The following TTC7B variants were observed in gnomAD, a reference collection of about 807,000 sequenced individuals.
TTC7B encodes tetratricopeptide repeat domain 7B, also known as tetratricopeptide repeat protein 7B.
A neutral mutation model predicts 106.8 loss-of-function variants in TTC7B; 28 were observed. The observed-to-expected ratio is 0.26, with a 90% CI of 0.19 to 0.36. TTC7B has a LOEUF of 0.36. TTC7B is among the 10% of genes least tolerant of loss of function. The pLI is 1.00. For synonymous variants in TTC7B, 405 were observed against 430.6 expected (o/e 0.94, Z 0.74); for missense variants, 862 against 1,076.4 (o/e 0.80, Z 2.79).
chr14:90,566,276 G>A (rs1321365362), intron 19 of TTC7B, among the ~76,000 whole-genome samples: 11 of 151,942 alleles, frequency 7.2e-5, no homozygotes, highest in Non-Finnish European at 1.3e-4. Flanking sequence ...CCTGGGAGGC[G>A]GAGGTTGCAG....
At chr14:90,598,458 G>C (rs1372797799) in intron 17 of TTC7B, among the ~76,000 whole-genome samples, 2 of 152,154 alleles carry the variant, frequency 1.3e-5, no homozygotes, top group Non-Finnish European at 2.9e-5. Flanking sequence ...CCATCACCAT[G>C]CATGGGGGTA....
In TTC7B at chr14:90,780,769, C is replaced by T. The variant is rs1353475314; in HGVS notation, c.414G>A (p.Leu138=). Residue 138 remains leucine, a synonymous_variant, in exon 3 of 20, where the codon CTG becomes CTA. Transcript: ENST00000328459. ...TAGCGTAGGCTTCTGCGATCACCCG[C>T]AGCCTGTAGGGCGGGACAGCTGTCA... ...LPLTAVPPYR[L]RVIAEAYATK... 1 of 1,614,124 alleles carries T rather than the reference C, an allele frequency of 6.2e-7. No homozygotes were observed. The highest frequency in any genetic ancestry group is 8.5e-7 in the Non-Finnish European group (1 of 1,180,054).
intron 19 of TTC7B, among the ~76,000 whole-genome samples, chr14:90,562,049 C>G (rs1000518378): frequency 5.3e-5 from 8 of 152,180 alleles, no homozygotes; most frequent in African/African-American, 1.9e-4. Flanking sequence ...AGTCTTGTCT[C>G]CTCCCATAGC....
At chr14:90,767,028 CAAAAAAA>C (rs71301958) in intron 3 of TTC7B, 46 of 526,020 alleles carry the variant, frequency 8.7e-5, no homozygotes, top group Admixed American at 4.3e-4. Flanking sequence ...GTTTATATAC[CAAAAAAA>C]AAAAAAAAAA....
chr14:90,701,796 G>GTATATATATATA (rs138397501), intron 5 of TTC7B, among the ~76,000 whole-genome samples: 5 of 118,936 alleles, frequency 4.2e-5, no homozygotes, highest in South Asian at 2.6e-4. Flanking sequence ...GTGTGTGTGT[G>GTATATATATATA]TATATATATA....
In TTC7B at chr14:90,759,528, G is replaced by A. The variant is rs549326420; in HGVS notation, c.446-14606C>T. On this transcript the variant is annotated intron_variant, in intron 3 of 19. Coordinates refer to ENST00000328459, the MANE Select transcript of TTC7B (RefSeq NM_001010854.2). This position sits in a 1 kb window ranked among gnomAD's most constrained non-coding sequence, Gnocchi z 4.1. ...GGCCACCACCACACATTGCAGAGGC[G>A]AAAACTGCATTAAGGAGGCCCAGAG... Among the ~76,000 whole-genome samples the A allele has an allele frequency of 1.3e-5, 2 of 152,256 alleles. No homozygotes were observed. Among genetic ancestry groups the A allele is most frequent in the African/African-American group, 2.4e-5 (1 of 41,540 alleles).
intron 5 of TTC7B, among the ~76,000 whole-genome samples, chr14:90,720,701 TCTGA>T (rs1888861202): frequency 1.3e-5 from 2 of 152,172 alleles, no homozygotes; most frequent in Non-Finnish European, 2.9e-5. Context: ...AAAAATTAAC[TCTGA>T]CTTTTAGACA....
intron 19 of TTC7B, among the ~76,000 whole-genome samples, chr14:90,569,050 C>A (rs1890916056): frequency 6.6e-6 from 1 of 152,160 alleles, no homozygotes; most frequent in Admixed American, 6.5e-5. Flanking sequence ...TTGACAGGCC[C>A]ATCTTTAATT....
intron 5 of TTC7B, among the ~76,000 whole-genome samples, chr14:90,711,370 C>G (rs755042938): frequency 1.4e-4 from 21 of 152,150 alleles, no homozygotes; most frequent in Non-Finnish European, 1.2e-4. Context: ...TCAATACTAA[C>G]TTGAAGTTGA....
intron 1 of TTC7B, among the ~76,000 whole-genome samples, chr14:90,801,653 G>C (rs1439178340): frequency 6.6e-6 from 1 of 152,186 alleles, no homozygotes; most frequent in African/African-American, 2.4e-5. Context: ...CCAGATCAAA[G>C]CTGGAGGACT....
chr14:90,813,028 C>A (rs2030986286), intron 1 of TTC7B, among the ~76,000 whole-genome samples: 1 of 152,120 alleles, frequency 6.6e-6, no homozygotes, highest in East Asian at 1.9e-4. Flanking sequence ...CTCCCATAGC[C>A]CTGTCTCACT....
chr14:90,774,065 C>T (rs1397962727), intron 3 of TTC7B, among the ~76,000 whole-genome samples: 2 of 152,222 alleles, frequency 1.3e-5, no homozygotes, highest in African/African-American at 4.8e-5. Context: ...CTGGACACTG[C>T]CCTACCTCTG....
chr14:90,579,858 T>C (rs1489277459), intron 18 of TTC7B, among the ~76,000 whole-genome samples: 3 of 152,200 alleles, frequency 2.0e-5, no homozygotes, highest in Non-Finnish European at 4.4e-5. Context: ...TTTACTATTT[T>C]CTTTGTGCAC....
chr14:90,765,651 G>A (rs760526311), intron 3 of TTC7B, among the ~76,000 whole-genome samples: 28 of 152,178 alleles, frequency 1.8e-4, no homozygotes, highest in Non-Finnish European at 2.6e-4. Context: ...CCAGGGGAAA[G>A]CTTGATGGTA....
rs187828170 is a variant in TTC7B, at chr14:90,724,544, C to T, written c.698+5531G>A. ...CGAGTGAGTTCTCATGCGAACTGTT[C>T]GTTTAAAAGTATGTGGCACCCTGCC... is the stretch of plus-strand genomic sequence containing the variant. On this transcript the variant is annotated intron_variant, in intron 5 of 19. Transcript: ENST00000328459. Among the ~76,000 whole-genome samples, 3 of 152,226 alleles carry T rather than the reference C, an allele frequency of 2.0e-5. No homozygotes were observed. The East Asian group carries it at 5.8e-4, about 29-fold the overall frequency.
At chr14:90,729,612 T>C (rs1306133758) in intron 5 of TTC7B, among the ~76,000 whole-genome samples, 1 of 152,242 alleles carries the variant, frequency 6.6e-6, no homozygotes, top group Non-Finnish European at 1.5e-5. Context: ...TTAAAAGCCT[T>C]TTCAAAGCCA....
chr14:90,551,570 G>C (rs1890082507), intron 19 of TTC7B, among the ~76,000 whole-genome samples: 1 of 152,186 alleles, frequency 6.6e-6, no homozygotes, highest in Admixed American at 6.5e-5. Context: ...TTTCCTTCTA[G>C]AGGATGCCAT....
intron 18 of TTC7B, among the ~76,000 whole-genome samples, chr14:90,580,128 G>C (rs1306377568): frequency 1.3e-5 from 2 of 152,260 alleles, no homozygotes; most frequent in African/African-American, 2.4e-5. Flanking sequence ...AATATGGGCT[G>C]TAAGCGACAT....
chr14:90,568,836 G>A (rs927391481), intron 19 of TTC7B, among the ~76,000 whole-genome samples: 7 of 152,198 alleles, frequency 4.6e-5, no homozygotes, highest in African/African-American at 1.7e-4. Context: ...TATTCCCAGG[G>A]ACATTCCTTT....
Sources: gnomAD v4.1 joint callset for allele counts (sites outside exome capture counted in the v4.1 genomes callset) on GRCh38, gnomAD v4.1.1 for gene constraint, Gnocchi (gnomAD v3.1) non-coding constraint, MANE v1.5 for transcripts, NCBI Gene and HGNC (gene_info 2026-07-23, HGNC 2026-07-21) for gene names.